Variants in MYH2 observed in about 807,000 individuals in gnomAD.
MYH2 encodes myosin-2.
MYH2 carries 139 observed loss-of-function variants against 228.1 expected under a neutral mutation model. The observed-to-expected ratio is 0.61, with a 90% CI of 0.53 to 0.70. The LOEUF is 0.70. Ranked by LOEUF, MYH2 falls within the 30% of genes least tolerant of loss-of-function variation. MYH2 has a pLI of 0.00. For missense variants in MYH2, 1,809 were observed against 2,357.5 expected (o/e 0.77, Z 4.82); for synonymous variants, 796 against 871.1 (o/e 0.91, Z 1.52).
intron 2 of MYH2, among the ~76,000 whole-genome samples, chr17:10,548,318 T>C (rs2073660561): frequency 6.6e-6 from 1 of 152,210 alleles, no homozygotes; most frequent in Non-Finnish European, 1.5e-5. Context: ...CCTTTCTAAA[T>C]TCACAGCCCA....
In MYH2 at chr17:10,526,619, TG is replaced by T. The variant is rs2142295296; in HGVS notation, c.4166del (p.Thr1389LysfsTer22). On this transcript the variant is annotated frameshift_variant, in exon 30 of 40. Transcript: ENST00000245503. LOFTEE classifies it high-confidence loss of function. ...TKYETDAIQR[T>X]EELEEAKKKL... The stretch of plus-strand genomic sequence containing the variant: ...CATACTTGGCCTCCTCCAGCTCCTC[TG>T]TGCGCTGGATGGCGTCCGTCTCGTA... 2 of 1,614,026 alleles carry T rather than the reference TG, an allele frequency of 1.2e-6. No individual in the cohort carries two copies. Among genetic ancestry groups the T allele is most frequent in the East Asian group, 4.5e-5 (2 of 44,888 alleles).
At chr17:10,521,671 C>T (rs1163377125) in intron 39 of MYH2, among the ~76,000 whole-genome samples, 1 of 150,754 alleles carries the variant, frequency 6.6e-6, no homozygotes, top group Non-Finnish European at 1.5e-5. Flanking sequence ...AATATATGTA[C>T]CACAAGTAGA....
chr17:10,526,917 C>T (rs2073363012), intron 29 of MYH2, 21 bp downstream of exon 29: 1 of 1,613,306 alleles, frequency 6.2e-7, no homozygotes, highest in East Asian at 2.2e-5. Context: ...GGGAAAAAAT[C>T]AGTCTTAGAA....
intron 30 of MYH2, 70 bp downstream of exon 30, chr17:10,526,529 T>C: frequency 6.2e-7 from 1 of 1,602,350 alleles, no homozygotes; most frequent in Non-Finnish European, 8.6e-7. Context: ...TCACTGAATC[T>C]TCAAAGGTCA....
At position 10,539,950 on chromosome 17, in the gene MYH2, T is replaced by C; in HGVS notation, c.1125A>G (p.Gln375=). 1 of 1,614,120 alleles carries C rather than the reference T, an allele frequency of 6.2e-7. No homozygotes were observed. The highest frequency in any genetic ancestry group is 8.5e-7 in the Non-Finnish European group (1 of 1,180,008). Residue 375 remains glutamine, a synonymous_variant, in exon 12 of 40, where the codon CAA becomes CAG. Coordinates refer to ENST00000245503, the MANE Select transcript of MYH2 (RefSeq NM_017534.6). ...LKFKQKQREE[Q]AEPDGTEVAD... Reference sequence around the variant, plus strand: ...TACCTTCTGTGCCATCTGGCTCTGCTTGCTCCTCACGCTGCTTTTGCTTAA... The same window carrying C: ...TACCTTCTGTGCCATCTGGCTCTGCCTGCTCCTCACGCTGCTTTTGCTTAA...
At position 10,528,935 on chromosome 17, in the gene MYH2, T is replaced by A. The variant is rs750888797; in HGVS notation, c.3499A>T (p.Ile1167Phe). 3.1e-6 allele frequency: 5 copies of A among 1,614,086 alleles called. No individual in the cohort carries two copies. Among genetic ancestry groups the A allele is most frequent in the Admixed American group, 1.7e-5 (1 of 60,004 alleles). Reference protein sequence around the residue: ...EEAGGATSAQIEMNKKREAEF... With the variant: ...EEAGGATSAQFEMNKKREAEF... ...GCCTCCCGCTTCTTGTTCATCTCAA[T>A]CTGGGCTGAAGTGGCCCCACCGGCT... Residue 1167 changes from isoleucine (I) to phenylalanine (F), a missense_variant, in exon 27 of 40, where the codon ATT becomes TTT. Around this residue, in one of 9 missense-constraint regions of MYH2, gnomAD observed 636 missense variants for 729.9 expected, o/e 0.87. Transcript: ENST00000245503.
chr17:10,533,200 C>G, intron 21 of MYH2, 85 bp downstream of exon 21: 1 of 1,578,414 alleles, frequency 6.3e-7, no homozygotes, highest in Non-Finnish European at 8.7e-7. Flanking sequence ...TCTTTAGTGT[C>G]CTTATCATAA....
At chr17:10,548,309 CT>C (rs2073660493) in intron 2 of MYH2, among the ~76,000 whole-genome samples, 1 of 152,088 alleles carries the variant, frequency 6.6e-6, no homozygotes, top group African/African-American at 2.4e-5. Flanking sequence ...TAAATTCTGC[CT>C]TTCTAAATTC....
intron 39 of MYH2, 121 bp downstream of exon 39, chr17:10,522,969 T>A (rs1251741168): frequency 1.3e-5 from 9 of 709,134 alleles, no homozygotes; most frequent in African/African-American, 1.8e-5. Context: ...CAAGAATTAT[T>A]GTACAAAAAC....
rs763994556 is a variant in MYH2 at position 10,537,354 on chromosome 17, G to C, written c.1776C>G (p.Asn592Lys). 1.9e-6 allele frequency: 3 copies of C among 1,614,238 alleles called. No homozygotes were observed. The highest frequency in any genetic ancestry group is 1.7e-6 in the Non-Finnish European group (2 of 1,180,048). Residue 592 changes from asparagine (N) to lysine (K), a missense_variant, in exon 16 of 40, where the codon AAC (asparagine) becomes AAG (lysine). Coordinates refer to ENST00000245503, the MANE Select transcript of MYH2 (RefSeq NM_017534.6). This position sits in a 1 kb window ranked among gnomAD's most constrained non-coding sequence, Gnocchi z 4.0. ...TGTTCTTCTCCAGCCAGCCAGTAAT[G>C]TTGTAGTCCACAACACCAGCATAGT... is the stretch of plus-strand genomic sequence containing the variant. ...LIHYAGVVDY[N>K]ITGWLEKNKD...
At chr17:10,538,338 A>G (rs1262590493) in intron 14 of MYH2, among the ~76,000 whole-genome samples, 1 of 152,108 alleles carries the variant, frequency 6.6e-6, no homozygotes, top group Non-Finnish European at 1.5e-5. Context: ...CAAGATACCA[A>G]GTATTATATA....
rs761087827 is a variant in MYH2 at position 10,526,772 on chromosome 17, G to A, written c.4014C>T (p.Ala1338=). The A allele has an allele frequency of 6.2e-7, 1 of 1,614,212 alleles. No homozygotes were observed. Among genetic ancestry groups the A allele is most frequent in the Non-Finnish European group, 8.5e-7 (1 of 1,180,034 alleles). The change falls in exon 30 of 40, where the codon GCC becomes GCT. Residue 1338 remains alanine (A), a synonymous_variant. Transcript: ENST00000245503. ...CACAGTCGTGGCGGGAAGACTGCAG[G>A]GCATGCGCCAGGGCGTTCTTGGCCT... The part of the protein sequence containing the change: ...EIKAKNALAH[A]LQSSRHDCDL...
Position 10,521,384 on chromosome 17 carries a change from C to T in MYH2, c.5722G>A (p.Glu1908Lys). The change falls in exon 40 of 40, where the codon GAG becomes AAG. Residue 1908 changes from glutamate to lysine, a missense_variant. Coordinates refer to ENST00000245503, the MANE Select transcript of MYH2 (RefSeq NM_017534.6). ...GCCCGTTCCTCGGCCTCCTCCAGCT[C>T]ATGCTGGAGCTTGCGGAATTTAGCT... ...NLAKFRKLQH[E>K]LEEAEERADI... 1.2e-6 allele frequency: 2 copies of T among 1,613,988 alleles called. No individual in the cohort carries two copies. Among genetic ancestry groups the T allele is most frequent in the Non-Finnish European group, 1.7e-6 (2 of 1,179,884 alleles).
In MYH2 at chr17:10,544,140, T is replaced by G. The variant is rs374187805; in HGVS notation, c.506-13A>C. On this transcript the variant is annotated splice_polypyrimidine_tract_variant and intron_variant, in intron 5 of 39. Transcript: ENST00000245503. ...TGATTCTCTCGGTCTACAAAAGAAA[T>G]TATAGACATTTAATACTGTTTTCTT... The G allele has an allele frequency of 1.9e-6, 3 of 1,611,194 alleles. No homozygotes were observed. Among genetic ancestry groups the G allele is most frequent in the Non-Finnish European group, 2.5e-6 (3 of 1,177,552 alleles).
Position 10,529,367 on chromosome 17 carries a change from CATTTTCAATGTCCATTATGG to C in MYH2, c.3212_3231del (p.Ser1071Ter). On this transcript the variant is annotated frameshift_variant, in exon 25 of 40. Coordinates refer to ENST00000245503, the MANE Select transcript of MYH2 (RefSeq NM_017534.6). LOFTEE classifies it high-confidence loss of function. ...AGCTTTTCATCAAGTTGCTGTTTCTCATTTTCAATGTCCATTATGGATTCTTGGGCCAACTTCAAGTCACC... is the reference window on the plus strand; with the variant it reads ...AGCTTTTCATCAAGTTGCTGTTTCTCATTCTTGGGCCAACTTCAAGTCACC... 6.2e-7 allele frequency: 1 copy of C among 1,614,068 alleles called. No individual in the cohort carries two copies. The highest frequency in any genetic ancestry group is 8.5e-7 in the Non-Finnish European group (1 of 1,180,022).
rs1325212068 is a variant in MYH2 at position 10,539,100 on chromosome 17, AT to A, written c.1416+104del. The A allele has an allele frequency of 2.5e-6, 4 of 1,597,608 alleles. No individual in the cohort carries two copies. The East Asian group carries it at 8.9e-5, about 36-fold the overall frequency. Reference sequence around the variant, plus strand: ...TTACTCTCTTTTAAGGCTTAAAATAATTTCTACAGTGGTAAGAAAAGGTCAT... The same window carrying A: ...TTACTCTCTTTTAAGGCTTAAAATAATTCTACAGTGGTAAGAAAAGGTCAT... On this transcript the variant is annotated intron_variant, in intron 14 of 39. Transcript: ENST00000245503.
chr17:10,527,873 C>A lies in MYH2; in HGVS notation c.3746G>T (p.Gly1249Val), dbSNP rs1219331596. 2 of 1,612,880 alleles carry A rather than the reference C, an allele frequency of 1.2e-6. No homozygotes were observed. The highest frequency in any genetic ancestry group is 1.7e-5 in the Admixed American group (1 of 59,994). Residue 1249 changes from glycine to valine, a missense_variant and splice_region_variant, in exon 28 of 40, where the codon GGA becomes GTA. Coordinates refer to ENST00000245503, the MANE Select transcript of MYH2 (RefSeq NM_017534.6). The stretch of plus-strand genomic sequence containing the variant: ...AGTCCGGCACATTTTCTCTAGGTTT[C>A]CCTATAGAAGAAAAAGTAAAAGAAG... ...SNVETVSKAKGNLEKMCRTLE... is the reference protein window; with the variant it reads ...SNVETVSKAKVNLEKMCRTLE...
chr17:10,543,828 C>T lies in MYH2; in HGVS notation c.649-25G>A, dbSNP rs555414888. ...CCTGCAAAGGCAAGAGCAGTCCTTG[C>T]ATCTGGGGCTTGGGAATTTCCTACC... On this transcript the variant is annotated intron_variant, in intron 7 of 39. Coordinates refer to ENST00000245503, the MANE Select transcript of MYH2 (RefSeq NM_017534.6). 116 of 1,613,910 alleles carry T rather than the reference C, an allele frequency of 7.2e-5. 1 individual carries two copies. The South Asian group carries it at 1.2e-3, about 17-fold the overall frequency.
Position 10,526,810 on chromosome 17 carries a change from A to G in MYH2, c.3991-15T>C. Reference sequence around the variant, plus strand: ...GCGTTCTTGGCCTATGGAGGCAGTTACACCTTCATTTTACTGGATATTTAA... The same window carrying G: ...GCGTTCTTGGCCTATGGAGGCAGTTGCACCTTCATTTTACTGGATATTTAA... On this transcript the variant is annotated splice_polypyrimidine_tract_variant and intron_variant, in intron 29 of 39. Transcript: ENST00000245503. The G allele has an allele frequency of 6.2e-7, 1 of 1,614,234 alleles. No homozygotes were observed. Among genetic ancestry groups the G allele is most frequent in the Non-Finnish European group, 8.5e-7 (1 of 1,180,046 alleles).
Sources: gnomAD v4.1 joint callset for allele counts (sites outside exome capture counted in the v4.1 genomes callset) on GRCh38, gnomAD v4.1.1 for gene constraint, gnomAD v4.1.1 regional missense constraint, Gnocchi (gnomAD v3.1) non-coding constraint, MANE v1.5 for transcripts, NCBI Gene and HGNC (gene_info 2026-07-23, HGNC 2026-07-21) for gene names.